ZNF395: variants seen among roughly 807,000 people sequenced by gnomAD.
ZNF395 encodes zinc finger protein 395, also known as HD gene regulatory region-binding protein 2.
Under a neutral mutation model 57.7 loss-of-function variants are expected in ZNF395, and 20 were observed. The observed-to-expected ratio is 0.35, with a 90% confidence interval of 0.24 to 0.50. The LOEUF (loss-of-function observed/expected upper bound fraction) is 0.50, where lower values mean the gene tolerates loss of function less well. Among genes scored for constraint, ZNF395 ranks in the 20% least tolerant of loss-of-function variants. The probability of loss-of-function intolerance (pLI) is 0.97; values close to 1 mark genes in which losing one functional copy is unlikely to be tolerated. For missense variants in ZNF395, 606 were observed against 671.2 expected, an observed-to-expected ratio of 0.90 and a Z score of 1.07; for synonymous variants, 295 against 275.9, an observed-to-expected ratio of 1.07 and a Z score of -0.69.
Position 28,351,577 on chromosome 8 carries a change from G to C in ZNF395, c.1151C>G (p.Pro384Arg). The C allele has an allele frequency of 1.9e-6, 3 of 1,613,750 alleles. No individual in the cohort carries two copies. Among genetic ancestry groups the C allele is most frequent in the South Asian group, 2.2e-5 (2 of 91,084 alleles). Residue 384 changes from proline to arginine, a missense_variant, in exon 7 of 10, where the codon CCG (proline) becomes CGG (arginine). Transcript: ENST00000344423. ...AGCCCCTGAGGGCAGGGAGGACTCC[G>C]GGCCAGGATGTTCTGGGCCGGAGGA... ...AQSSGPEHPG[P>R]ESSLPSGALS...
chr8:28,377,122 T>C (rs561119438), intron 1 of ZNF395, among the ~76,000 whole-genome samples: 2 of 152,178 alleles, frequency 1.3e-5, no homozygotes, highest in Non-Finnish European at 1.5e-5. Flanking sequence ...GGAAGAGGAA[T>C]CTAAAAGTTT....
chr8:28,386,187 C>T (rs1458341392), intron 1 of ZNF395: 1 of 149,830 alleles, frequency 6.7e-6, no homozygotes, highest in African/African-American at 2.4e-5. Context: ...GGCCGGCCTG[C>T]CCTCCTCCCC....
intron 1 of ZNF395, among the ~76,000 whole-genome samples, chr8:28,377,090 C>T (rs930383068): frequency 6.6e-6 from 1 of 152,034 alleles, no homozygotes; most frequent in African/African-American, 2.4e-5. Context: ...AAAACAACAA[C>T]AAAAGTAATC....
chr8:28,371,774 C>T (rs902338360), intron 1 of ZNF395, among the ~76,000 whole-genome samples: 6 of 152,164 alleles, frequency 3.9e-5, no homozygotes, highest in African/African-American at 7.2e-5. Flanking sequence ...TCCGGCTGGG[C>T]GCAGTGACTC....
chr8:28,352,611 A>C lies in ZNF395; in HGVS notation c.882T>G (p.Ile294Met). The C allele has an allele frequency of 6.2e-7, 1 of 1,614,168 alleles. No homozygotes were observed. The highest frequency in any genetic ancestry group is 8.5e-7 in the Non-Finnish European group (1 of 1,180,032). The change falls in exon 6 of 10, where the codon ATT becomes ATG. Residue 294 changes from isoleucine (I) to methionine (M), a missense_variant. Physicochemically the swap from Ile to Met is conservative, Grantham distance 10. Transcript: ENST00000344423. The surrounding 1 kb of genome is among the most constrained non-coding windows in gnomAD (Gnocchi z 4.0). ...WPNCGKVLRS[I>M]VGIKRHVKAL... ...CTTTGACGTGTCGTTTGATGCCCACAATGGAGCGCAGAACTTTGCCACAGT... is the reference window on the plus strand; with the variant it reads ...CTTTGACGTGTCGTTTGATGCCCACCATGGAGCGCAGAACTTTGCCACAGT...
At chr8:28,363,700 C>CTTT (rs1243036473) in intron 1 of ZNF395, among the ~76,000 whole-genome samples, 1 of 152,200 alleles carries the variant, frequency 6.6e-6, no homozygotes, top group African/African-American at 2.4e-5. Flanking sequence ...GTTTCTACCA[C>CTTT]TGAAAATGAA....
At chr8:28,385,650 C>CGCGGGAGGGCCGG (rs1189015804) in intron 1 of ZNF395, among the ~76,000 whole-genome samples, 2 of 147,600 alleles carry the variant, frequency 1.4e-5, no homozygotes, top group Non-Finnish European at 1.5e-5. Flanking sequence ...GAGGGCCGGG[C>CGCGGGAGGGCCGG]GCGGGAGGGC....
intron 6 of ZNF395, 92 bp from the exon 7 acceptor site, chr8:28,351,899 G>A (rs564596793): frequency 2.8e-6 from 4 of 1,433,430 alleles, no homozygotes; most frequent in South Asian, 1.4e-5. Context: ...GATTGCTTGA[G>A]GCCACCCAGC....
chr8:28,360,965 A>C lies in ZNF395; in HGVS notation c.160T>G (p.Cys54Gly). The change falls in exon 2 of 10, where the codon TGC becomes GGC. Residue 54 changes from cysteine (C) to glycine (G), a missense_variant. By Grantham distance (159) the Cys-to-Gly change is radical. Around this residue, in one of 3 missense-constraint regions of ZNF395, gnomAD observed 309 missense variants for 374.7 expected, o/e 0.82. Transcript: ENST00000344423. Reference protein sequence around the residue: ...QPFTTSDDTPCQEQPKEVLKA... With the variant: ...QPFTTSDDTPGQEQPKEVLKA... ...AGGACTTCCTTGGGCTGCTCCTGGC[A>C]GGGGGTGTCATCAGAGGTGGTGAAA... 5.0e-6 allele frequency: 8 copies of C among 1,613,586 alleles called. No homozygotes were observed. The highest frequency in any genetic ancestry group is 6.8e-6 in the Non-Finnish European group (8 of 1,179,760).
Position 28,348,600 on chromosome 8 carries a change from G to A in ZNF395, c.*119C>T. 1.2e-6 allele frequency: 1 copy of A among 863,322 alleles called. No homozygotes were observed. The allele number at this position is 863,322 out of a possible 1,614,324, so 53.5% of individuals were successfully genotyped here. On this transcript the variant is annotated 3_prime_UTR_variant, in exon 10 of 10. Coordinates refer to ENST00000344423, the MANE Select transcript of ZNF395 (RefSeq NM_018660.3). ...TAAGTGTTACACCTTAGCCAACAGA[G>A]CCCAAACTCCGTGTTTCCGTTCTTT...
chr8:28,347,384 C>T lies in ZNF395; in HGVS notation c.*1335G>A, dbSNP rs1801617602. 1 of 152,324 alleles carries T rather than the reference C, an allele frequency of 6.6e-6. No homozygotes were observed. Among genetic ancestry groups the T allele is most frequent in the South Asian group, 2.1e-4 (1 of 4,830 alleles). The allele number at this position is 152,324 out of a possible 1,614,324, so 9.4% of individuals were successfully genotyped here. ...AAGTCACGCTGGGAGGAAAGTGAGA[C>T]ACCAAAACAGAAACATGCCCTGCCA... On this transcript the variant is annotated 3_prime_UTR_variant, in exon 10 of 10. Transcript: ENST00000344423.
rs1801740867 is a variant in ZNF395, at chr8:28,353,295, G to A, written c.697C>T (p.Pro233Ser). 2 of 1,607,152 alleles carry A rather than the reference G, an allele frequency of 1.2e-6. No homozygotes were observed. The highest frequency in any genetic ancestry group is 1.7e-6 in the Non-Finnish European group (2 of 1,176,242). Residue 233 changes from proline (P) to serine (S), a missense_variant, in exon 5 of 10, where the codon CCC (proline) becomes TCC (serine). By Grantham distance (74) the Pro-to-Ser change is moderately conservative. Coordinates refer to ENST00000344423, the MANE Select transcript of ZNF395 (RefSeq NM_018660.3). The part of the protein sequence containing the change: ...GSSGVSTPSP[P>S]HPQASPKYLG... ...TACTTGGGGCTGGCCTGGGGGTGGGGGGGCGAGGGGGTGGAGACACCACTG... is the reference window on the plus strand; with the variant it reads ...TACTTGGGGCTGGCCTGGGGGTGGGAGGGCGAGGGGGTGGAGACACCACTG...
chr8:28,348,946 A>T, intron 9 of ZNF395, 116 bp from the exon 10 acceptor site: 1 of 1,229,300 alleles, frequency 8.1e-7, no homozygotes, highest in Non-Finnish European at 1.2e-6. Flanking sequence ...GGCAAAAGTC[A>T]CCAGGACCAG....
intron 3 of ZNF395, among the ~76,000 whole-genome samples, chr8:28,358,159 T>C (rs983424756): frequency 3.4e-5 from 5 of 145,218 alleles, no homozygotes; most frequent in Non-Finnish European, 7.6e-5. Context: ...TTCTTTTTTT[T>C]TTTTTTTTTT....
At chr8:28,362,797 G>T (rs971021864) in intron 1 of ZNF395, among the ~76,000 whole-genome samples, 1 of 152,198 alleles carries the variant, frequency 6.6e-6, no homozygotes, top group Non-Finnish European at 1.5e-5. Context: ...GAATTGTAAA[G>T]AATAATAATA....
At chr8:28,385,198 G>A (rs1178984135) in intron 1 of ZNF395, 1 of 152,304 alleles carries the variant, frequency 6.6e-6, no homozygotes, top group Non-Finnish European at 1.5e-5. Flanking sequence ...CTGCCCGGTG[G>A]AAGTCCTCCA....
chr8:28,371,113 TC>T (rs937330727), intron 1 of ZNF395, among the ~76,000 whole-genome samples: 1 of 152,196 alleles, frequency 6.6e-6, no homozygotes, highest in Admixed American at 6.5e-5. Flanking sequence ...TGAGTAATTT[TC>T]CCAAGGCCAC....
intron 1 of ZNF395, among the ~76,000 whole-genome samples, chr8:28,364,624 A>C (rs960359008): frequency 6.7e-6 from 1 of 149,070 alleles, no homozygotes; most frequent in Non-Finnish European, 1.5e-5. Context: ...ACTGCAGTCC[A>C]GCCTGGGGGA....
In ZNF395 at chr8:28,352,616, A is replaced by G. The variant is rs1431265804; in HGVS notation, c.877T>C (p.Ser293Pro). 1.9e-6 allele frequency: 3 copies of G among 1,614,176 alleles called. No individual in the cohort carries two copies. Among genetic ancestry groups the G allele is most frequent in the East Asian group, 2.2e-5 (1 of 44,878 alleles). Residue 293 changes from serine (S) to proline (P), a missense_variant, in exon 6 of 10, where the codon TCC (serine) becomes CCC (proline). Physicochemically the swap from Ser to Pro is moderately conservative, Grantham distance 74. Coordinates refer to ENST00000344423, the MANE Select transcript of ZNF395 (RefSeq NM_018660.3). This position sits in a 1 kb window ranked among gnomAD's most constrained non-coding sequence, Gnocchi z 4.0. ...LWPNCGKVLR[S>P]IVGIKRHVKA... ...ACGTGTCGTTTGATGCCCACAATGG[A>G]GCGCAGAACTTTGCCACAGTTTGGC...
Sources: allele counts gnomAD v4.1 joint callset (sites outside exome capture counted in the v4.1 genomes callset), GRCh38; gene constraint gnomAD v4.1.1; regional missense constraint gnomAD v4.1.1; non-coding constraint Gnocchi (gnomAD v3.1); transcripts MANE v1.5; gene names NCBI Gene and HGNC (gene_info 2026-07-23, HGNC 2026-07-21).